The following FER1L6 variants were observed in gnomAD, a reference collection of about 807,000 sequenced individuals.
FER1L6 encodes fer-1-like protein 6.
In FER1L6, 177 loss-of-function variants were observed where a neutral mutation model predicts 219.2. The observed-to-expected ratio is 0.81, with a 90% CI of 0.71 to 0.91. FER1L6 has a LOEUF of 0.91. Among genes scored for constraint, FER1L6 ranks in the 40% least tolerant of loss-of-function variants. The pLI is 0.00. For missense variants in FER1L6, 2,153 were observed against 2,259.9 expected (o/e 0.95, Z 0.96); for synonymous variants, 768 against 824.3 (o/e 0.93, Z 1.17).
Position 124,064,374 on chromosome 8 carries a change from A to T in FER1L6, c.3356A>T (p.Glu1119Val). The change falls in exon 26 of 41, where the codon GAG becomes GTG. Residue 1119 changes from glutamate (E) to valine (V), a missense_variant. Physicochemically the swap from Glu to Val is moderately radical, Grantham distance 121. Transcript: ENST00000522917. The part of the protein sequence containing the change: ...HDISDSLTAT[E>V]SSGAHSSSQD... ...ATTTCAGATTCGCTAACAGCCACTG[A>T]GTCCTCTGGAGCCCACAGCTCCTCC... 6.2e-7 allele frequency: 1 copy of T among 1,612,364 alleles called. No individual in the cohort carries two copies. The highest frequency in any genetic ancestry group is 1.1e-5 in the South Asian group (1 of 90,652).
intron 1 of FER1L6, among the ~76,000 whole-genome samples, chr8:123,946,600 G>C (rs1424625350): frequency 6.6e-6 from 1 of 152,142 alleles, no homozygotes; most frequent in African/African-American, 2.4e-5. Context: ...TAAAACTTAA[G>C]TTTATTCACA....
At chr8:124,097,241 G>A (rs753621402) in intron 35 of FER1L6, 30 bp from the exon 36 acceptor site, 2 of 1,571,600 alleles carry the variant, frequency 1.3e-6, no homozygotes, top group South Asian at 2.2e-5. Context: ...CCCTCCCAAA[G>A]CTAAAGAAGA....
intron 31 of FER1L6, among the ~76,000 whole-genome samples, chr8:124,072,931 G>A (rs950442297): frequency 1.3e-5 from 2 of 152,222 alleles, no homozygotes; most frequent in African/African-American, 4.8e-5. Context: ...GAAGTAGCGT[G>A]TATTTCCTTC....
intron 1 of FER1L6, among the ~76,000 whole-genome samples, chr8:123,938,388 GGAGTT>G (rs1294096868): frequency 1.3e-5 from 2 of 152,110 alleles, no homozygotes; most frequent in African/African-American, 4.8e-5. Context: ...ATCATGAATG[GGAGTT>G]GAGGTTCAGT....
chr8:123,928,961 A>G (rs919612892), intron 1 of FER1L6, among the ~76,000 whole-genome samples: 3 of 152,188 alleles, frequency 2.0e-5, no homozygotes, highest in Admixed American at 6.5e-5. Flanking sequence ...CTTAATTACC[A>G]GTGAAATAGG....
At chr8:124,074,553 G>A (rs1821201096) in intron 31 of FER1L6, among the ~76,000 whole-genome samples, 1 of 151,764 alleles carries the variant, frequency 6.6e-6, no homozygotes, top group African/African-American at 2.4e-5. Flanking sequence ...TTGGGAGGCT[G>A]AGGTGGGAGG....
At chr8:124,018,449 C>T (rs1449515861) in intron 16 of FER1L6, among the ~76,000 whole-genome samples, 1 of 152,194 alleles carries the variant, frequency 6.6e-6, no homozygotes, top group Non-Finnish European at 1.5e-5. Flanking sequence ...TCTCCTAACT[C>T]CTCATCCATC....
Position 124,119,901 on chromosome 8 carries a change from G to A in FER1L6, c.*111G>A. On this transcript the variant is annotated 3_prime_UTR_variant, in exon 41 of 41. Coordinates refer to ENST00000522917, the MANE Select transcript of FER1L6 (RefSeq NM_001039112.2). Reference sequence around the variant, plus strand: ...CACTGTGCTGAGTGCTAAGGGGACAGATCAACCCTTCTTGGAAGAGATGGA... The same window carrying A: ...CACTGTGCTGAGTGCTAAGGGGACAAATCAACCCTTCTTGGAAGAGATGGA... 9.3e-7 allele frequency: 1 copy of A among 1,080,684 alleles called. No individual in the cohort carries two copies. Among genetic ancestry groups the A allele is most frequent in the African/African-American group, 1.6e-5 (1 of 63,184 alleles). The allele number at this position is 1,080,684 out of a possible 1,614,324, so 66.9% of individuals were successfully genotyped here.
intron 18 of FER1L6, among the ~76,000 whole-genome samples, chr8:124,031,069 A>G (rs1420384489): frequency 6.6e-6 from 1 of 151,800 alleles, no homozygotes; most frequent in African/African-American, 2.4e-5. Flanking sequence ...TTTCCATGCT[A>G]TTCTCAGAGG....
chr8:123,899,084 G>A (rs1812814524), intron 1 of FER1L6, among the ~76,000 whole-genome samples: 1 of 152,044 alleles, frequency 6.6e-6, no homozygotes, highest in Admixed American at 6.6e-5. Flanking sequence ...TCTCCACACT[G>A]TTTTCCATTG....
intron 1 of FER1L6, among the ~76,000 whole-genome samples, chr8:123,859,617 T>C (rs963775936): frequency 1.3e-5 from 2 of 148,888 alleles, no homozygotes; most frequent in East Asian, 2.0e-4. Context: ...TAGTTACATA[T>C]GTATACATGT....
At chr8:124,100,021 T>C (rs1325778626) in intron 37 of FER1L6, among the ~76,000 whole-genome samples, 1 of 152,148 alleles carries the variant, frequency 6.6e-6, no homozygotes, top group Non-Finnish European at 1.5e-5. Flanking sequence ...AGCTCTCTCA[T>C]TGCCTCAGAA....
rs34800682 is a variant in FER1L6, at chr8:123,967,081, CAA to C, written c.384+810_384+811del. Among the ~76,000 whole-genome samples, 681 of 92,288 alleles carry C rather than the reference CAA, an allele frequency of 7.4e-3. 4 individuals carry two copies. The highest frequency in any genetic ancestry group is 0.017 in the Middle Eastern group (3 of 178). 60.5% of individuals were successfully genotyped at this position (92,288 alleles called of 152,430 possible). A position where few individuals can be genotyped will look rare whatever the true frequency, so the allele number is the denominator to read the frequency against. ...TGGGTGACAGAGTGAGACTCCACCT[CAA>C]AAAAAAAAAAAAAAAAAATTACTTG... On this transcript the variant is annotated intron_variant, in intron 5 of 40. Transcript: ENST00000522917.
chr8:124,116,514 T>G (rs1035520580), intron 39 of FER1L6, among the ~76,000 whole-genome samples: 2 of 151,296 alleles, frequency 1.3e-5, no homozygotes, highest in African/African-American at 4.9e-5. Context: ...TGAAACACCA[T>G]GCAAGTTATA....
intron 2 of FER1L6, among the ~76,000 whole-genome samples, chr8:123,958,941 C>T (rs1162311810): frequency 2.6e-5 from 4 of 151,660 alleles, no homozygotes; most frequent in South Asian, 2.1e-4. Flanking sequence ...GTGGATAGAG[C>T]GCATAAAGTG....
chr8:124,118,019 G>A (rs1392744972), intron 39 of FER1L6, among the ~76,000 whole-genome samples: 1 of 152,158 alleles, frequency 6.6e-6, no homozygotes, highest in African/African-American at 2.4e-5. Flanking sequence ...AAACCAAGAG[G>A]CAGGAGAAAT....
chr8:124,106,328 CAAAAAAAAAAAAAAAAAAAA>C lies in FER1L6; in HGVS notation c.5289+3033_5289+3052del, dbSNP rs71289636. ...TGGGCGACAGAGTGAGACTCTGTCT[CAAAAAAAAAAAAAAAAAAAA>C]AAAAAAAAAAAAACAGAGTGGACGT... On this transcript the variant is annotated intron_variant, in intron 39 of 40. Transcript: ENST00000522917. Among the ~76,000 whole-genome samples, 246 of 63,866 alleles carry C rather than the reference CAAAAAAAAAAAAAAAAAAAA, an allele frequency of 3.9e-3. 4 individuals carry two copies. In the Middle Eastern group the frequency reaches 0.083, roughly 22 times the overall value. 41.9% of individuals were successfully genotyped at this position (63,866 alleles called of 152,430 possible).
At position 123,963,274 on chromosome 8, in the gene FER1L6, C is replaced by T. The variant is rs1183801024; in HGVS notation, c.77-4C>T. 1 of 1,613,712 alleles carries T rather than the reference C, an allele frequency of 6.2e-7. No homozygotes were observed. Among genetic ancestry groups the T allele is most frequent in the Non-Finnish European group, 8.5e-7 (1 of 1,179,858 alleles). Reference sequence around the variant, plus strand: ...GGATTTTCTTCCTTTGTTTGCTTCTCCAGATAGTCAAGGTGACACTGAAGC... The same window carrying T: ...GGATTTTCTTCCTTTGTTTGCTTCTTCAGATAGTCAAGGTGACACTGAAGC... On this transcript the variant is annotated splice_region_variant and splice_polypyrimidine_tract_variant and intron_variant, in intron 2 of 40. Coordinates refer to ENST00000522917, the MANE Select transcript of FER1L6 (RefSeq NM_001039112.2).
chr8:124,026,068 C>T (rs761873982), intron 18 of FER1L6, among the ~76,000 whole-genome samples: 1 of 152,034 alleles, frequency 6.6e-6, no homozygotes, highest in Non-Finnish European at 1.5e-5. Context: ...ACAGAGTCCC[C>T]AGATGCCTTC....
Sources: gnomAD v4.1 joint callset for allele counts (sites outside exome capture counted in the v4.1 genomes callset) on GRCh38, gnomAD v4.1.1 for gene constraint, MANE v1.5 for transcripts, NCBI Gene and HGNC (gene_info 2026-07-23, HGNC 2026-07-21) for gene names.